Variants in NFATC1 observed in about 807,000 individuals in gnomAD.
The protein encoded by NFATC1 is nuclear factor of activated T cells 1, also known as nuclear factor of activated T-cells, cytoplasmic 1.
A neutral mutation model predicts 76.0 loss-of-function variants in NFATC1; 22 were observed. The observed-to-expected ratio is 0.29, with a 90% CI of 0.21 to 0.41. NFATC1 has a LOEUF of 0.41. NFATC1 is among the 10% of genes least tolerant of loss of function. The probability of loss-of-function intolerance (pLI) is 1.00; values close to 1 mark genes in which losing one functional copy is unlikely to be tolerated. For synonymous variants in NFATC1, 704 were observed against 613.1 expected (o/e 1.15, Z -2.19); for missense variants, 1,357 against 1,337.7 (o/e 1.01, Z -0.23).
intron 9 of NFATC1, among the ~76,000 whole-genome samples, chr18:79,487,772 AG>A: frequency 6.6e-6 from 1 of 152,072 alleles, no homozygotes; most frequent in South Asian, 2.1e-4. Flanking sequence ...CACGCGTTAG[AG>A]GGTGATTCCG....
intron 9 of NFATC1, among the ~76,000 whole-genome samples, chr18:79,487,304 C>T (rs543753609): frequency 1.9e-3 from 293 of 152,336 alleles, no homozygotes; most frequent in South Asian, 3.3e-3. Context: ...GGAGAGGGAC[C>T]GGCCTCTGCA....
chr18:79,467,616 A>T (rs749248259), intron 8 of NFATC1, 34 bp downstream of exon 8: 1 of 1,611,892 alleles, frequency 6.2e-7, no homozygotes, highest in South Asian at 1.1e-5. Flanking sequence ...AGCCGTGAAC[A>T]TGAGCGCGTG....
chr18:79,396,163 G>T lies in NFATC1; in HGVS notation c.-62G>T. 4.4e-6 allele frequency: 6 copies of T among 1,377,740 alleles called. No homozygotes were observed. Among genetic ancestry groups the T allele is most frequent in the Non-Finnish European group, 5.7e-6 (6 of 1,051,978 alleles). 85.3% of individuals were successfully genotyped at this position (1,377,740 alleles called of 1,614,324 possible). A position where few individuals can be genotyped will look rare whatever the true frequency, so the allele number is the denominator to read the frequency against. On this transcript the variant is annotated 5_prime_UTR_variant, in exon 1 of 10. Coordinates refer to ENST00000427363, the MANE Select transcript of NFATC1 (RefSeq NM_001278669.2). ...TTCCCGGAGACCCGACCCCGGCAGC[G>T]CGGGGCGGCCGCTTCTCCTGTGCCT... is the stretch of plus-strand genomic sequence containing the variant.
chr18:79,476,596 C>T (rs1050208916), intron 8 of NFATC1, among the ~76,000 whole-genome samples: 10 of 152,154 alleles, frequency 6.6e-5, no homozygotes, highest in Admixed American at 2.6e-4. Flanking sequence ...CTGAGCTCTG[C>T]GTCTGTTTTC....
chr18:79,512,366 A>G (rs1255896766), intron 9 of NFATC1, among the ~76,000 whole-genome samples: 1 of 152,126 alleles, frequency 6.6e-6, no homozygotes, highest in Admixed American at 6.5e-5. Flanking sequence ...AGTTTAGACT[A>G]AGGCTTAGGG....
chr18:79,477,994 A>G (rs2089141782), intron 8 of NFATC1, among the ~76,000 whole-genome samples: 1 of 152,128 alleles, frequency 6.6e-6, no homozygotes, highest in Non-Finnish European at 1.5e-5. Context: ...TAGGGCTTCA[A>G]CATGAGGTTG....
intron 9 of NFATC1, among the ~76,000 whole-genome samples, chr18:79,489,879 T>C (rs1481803977): frequency 6.6e-6 from 1 of 152,234 alleles, no homozygotes; most frequent in Non-Finnish European, 1.5e-5. Flanking sequence ...GGGGTTAGCG[T>C]ACGGCGCTAG....
chr18:79,462,166 C>T (rs188734159), intron 7 of NFATC1, among the ~76,000 whole-genome samples: 115 of 152,252 alleles, frequency 7.6e-4, no homozygotes, highest in East Asian at 3.5e-3. Flanking sequence ...ATCTCCTGCA[C>T]GGCACCGGTT....
At chr18:79,435,331 G>GTTTTGTT (rs1555905822) in intron 3 of NFATC1, among the ~76,000 whole-genome samples, 5 of 30,500 alleles carry the variant, frequency 1.6e-4, no homozygotes, top group Non-Finnish European at 1.4e-4. Flanking sequence ...GTTTCTGTTT[G>GTTTTGTT]TTTTGTTTTT....
In NFATC1 at chr18:79,410,435, C is replaced by CCCGCCCTGCCGCTCCCCACGGCGCACT. The variant is rs768026630; in HGVS notation, c.163_189dup (p.Ala55_Ser63dup). On this transcript the variant is annotated inframe_insertion, in exon 2 of 10. Coordinates refer to ENST00000427363, the MANE Select transcript of NFATC1 (RefSeq NM_001278669.2). This position sits in a 1 kb window ranked among gnomAD's most constrained non-coding sequence, Gnocchi z 6.7. ...TGGCTATGCATCCTCCAACGTCAGCCCCGCCCTGCCGCTCCCCACGGCGCA... is the reference window on the plus strand; with the variant it reads ...TGGCTATGCATCCTCCAACGTCAGCCCCGCCCTGCCGCTCCCCACGGCGCACTCCGCCCTGCCGCTCCCCACGGCGCA... 10 of 1,611,754 alleles carry CCCGCCCTGCCGCTCCCCACGGCGCACT rather than the reference C, an allele frequency of 6.2e-6. No homozygotes were observed. The East Asian group carries it at 2.2e-4, about 36-fold the overall frequency.
chr18:79,515,228 C>G lies in NFATC1; in HGVS notation c.2783-12300C>G, dbSNP rs571436898. On this transcript the variant is annotated intron_variant, in intron 9 of 9. Coordinates refer to ENST00000427363, the MANE Select transcript of NFATC1 (RefSeq NM_001278669.2). Reference sequence around the variant, plus strand: ...GGTGTGGTGGCAGGTTCCTGTAATCCCAGCTACTCAGGAGGCTGAGGCAGG... The same window carrying G: ...GGTGTGGTGGCAGGTTCCTGTAATCGCAGCTACTCAGGAGGCTGAGGCAGG... Among the ~76,000 whole-genome samples the G allele has an allele frequency of 2.0e-5, 3 of 151,636 alleles. No homozygotes were observed. The South Asian group carries it at 6.3e-4, about 32-fold the overall frequency.
rs2085519115 is a variant in NFATC1, at chr18:79,408,506, G to T, written c.128-1897G>T. ...TAACACATAATGATTCTTAGGACTA[G>T]CTGTGTACCAGAATCTTCTGTTTTG... is the stretch of plus-strand genomic sequence containing the variant. On this transcript the variant is annotated intron_variant, in intron 1 of 9. Transcript: ENST00000427363. Among the ~76,000 whole-genome samples the T allele has an allele frequency of 2.0e-5, 3 of 152,362 alleles. No individual in the cohort carries two copies. In the South Asian group the frequency reaches 6.2e-4, roughly 32 times the overall value.
intron 6 of NFATC1, among the ~76,000 whole-genome samples, chr18:79,456,429 G>T (rs974034054): frequency 5.3e-5 from 8 of 152,220 alleles, no homozygotes; most frequent in Non-Finnish European, 7.3e-5. Context: ...CCAGGGGGAG[G>T]TTCACCCACC....
chr18:79,465,644 G>A lies in NFATC1; in HGVS notation c.1960-1806G>A, dbSNP rs967686216. Among the ~76,000 whole-genome samples, 6 of 152,166 alleles carry A rather than the reference G, an allele frequency of 3.9e-5. No homozygotes were observed. Among genetic ancestry groups the A allele is most frequent in the Admixed American group, 6.5e-5 (1 of 15,280 alleles). On this transcript the variant is annotated intron_variant, in intron 7 of 9. Transcript: ENST00000427363. This position sits in a 1 kb window ranked among gnomAD's most constrained non-coding sequence, Gnocchi z 4.2. ...CCCGGCCCGTTACTATTTCAGTCTC[G>A]GCTTCCATGAGACGTTTCCTTCTTG... is the stretch of plus-strand genomic sequence containing the variant.
intron 1 of NFATC1, among the ~76,000 whole-genome samples, chr18:79,404,681 T>A (rs2085374046): frequency 6.6e-6 from 1 of 152,262 alleles, no homozygotes; most frequent in African/African-American, 2.4e-5. Context: ...TTGTGAAAGA[T>A]GAGAGATCTG....
chr18:79,424,842 T>G (rs776881431), intron 2 of NFATC1, among the ~76,000 whole-genome samples: 4 of 140,248 alleles, frequency 2.9e-5, no homozygotes, highest in Non-Finnish European at 6.6e-5. Flanking sequence ...CATCTCTGTC[T>G]CTGTTTCTCT....
At chr18:79,429,004 T>C (rs2086491665) in intron 2 of NFATC1, among the ~76,000 whole-genome samples, 1 of 152,146 alleles carries the variant, frequency 6.6e-6, no homozygotes, top group African/African-American at 2.4e-5. Flanking sequence ...GCGGATCACC[T>C]GAGGTCAGGA....
At position 79,396,210 on chromosome 18, in the gene NFATC1, G is replaced by A. The variant is rs747870051; in HGVS notation, c.-15G>A. 1.4e-6 allele frequency: 2 copies of A among 1,434,962 alleles called. No individual in the cohort carries two copies. Among genetic ancestry groups the A allele is most frequent in the Admixed American group, 2.2e-5 (1 of 46,156 alleles). The allele number at this position is 1,434,962 out of a possible 1,614,324, so 88.9% of individuals were successfully genotyped here. A position where few individuals can be genotyped will look rare whatever the true frequency, so the allele number is the denominator to read the frequency against. On this transcript the variant is annotated 5_prime_UTR_variant, in exon 1 of 10. Coordinates refer to ENST00000427363, the MANE Select transcript of NFATC1 (RefSeq NM_001278669.2). ...GCCTCCGCCCGCCGCTCCACTCCCC[G>A]CCGCCGCCGCGCGGATGCCAAGCAC... is the stretch of plus-strand genomic sequence containing the variant.
intron 3 of NFATC1, among the ~76,000 whole-genome samples, chr18:79,448,106 G>T (rs1023690267): frequency 6.6e-6 from 1 of 152,224 alleles, no homozygotes; most frequent in Non-Finnish European, 1.5e-5. Flanking sequence ...ACACGGCGCC[G>T]GCCGAGAAGC....
Sources: gnomAD v4.1 joint callset for allele counts (sites outside exome capture counted in the v4.1 genomes callset) on GRCh38, gnomAD v4.1.1 for gene constraint, Gnocchi (gnomAD v3.1) non-coding constraint, MANE v1.5 for transcripts, NCBI Gene and HGNC (gene_info 2026-07-23, HGNC 2026-07-21) for gene names.